Variants in PRKAR1B observed in about 807,000 individuals in gnomAD.
PRKAR1B encodes cAMP-dependent protein kinase type I-beta regulatory subunit.
A neutral mutation model predicts 46.5 loss-of-function variants in PRKAR1B; 22 were observed. The ratio of observed to expected loss-of-function variants is 0.47; its 90% CI spans 0.34 to 0.68. The LOEUF is 0.68. Ranked by LOEUF, PRKAR1B falls within the 30% of genes least tolerant of loss-of-function variation. PRKAR1B has a pLI of 0.01. For missense variants in PRKAR1B, 445 were observed against 535.6 expected, an observed-to-expected ratio of 0.83 and a Z score of 1.67; for synonymous variants, 259 against 217.7, an observed-to-expected ratio of 1.19 and a Z score of -1.67.
At chr7:599,777 C>T (rs759218206) in intron 6 of PRKAR1B, among the ~76,000 whole-genome samples, 2 of 149,932 alleles carry the variant, frequency 1.3e-5, no homozygotes, top group Non-Finnish European at 3.0e-5. Flanking sequence ...GGGGGAGGCA[C>T]ATGGGCAGGC....
chr7:615,881 G>C (rs1350858647), intron 4 of PRKAR1B, among the ~76,000 whole-genome samples: 1 of 147,144 alleles, frequency 6.8e-6, no homozygotes, highest in Non-Finnish European at 1.5e-5. Flanking sequence ...GGGAGGGAAA[G>C]GGAGAGAGAA....
At position 549,556 on chromosome 7, in the gene PRKAR1B, T is replaced by C. The variant is rs1784046552; in HGVS notation, c.*874A>G. ...TCATCACTGCGGGATCCAAGACACA[T>C]TTAAGGGACAAGTCGGTTGAGCGGG... On this transcript the variant is annotated 3_prime_UTR_variant, in exon 11 of 11. Transcript: ENST00000537384. 1 of 152,266 alleles carries C rather than the reference T, an allele frequency of 6.6e-6. No individual in the cohort carries two copies. The highest frequency in any genetic ancestry group is 6.5e-5 in the Admixed American group (1 of 15,278). The allele number at this position is 152,266 out of a possible 1,614,324, so 9.4% of individuals were successfully genotyped here.
chr7:550,792 ATTGT>A (rs1356103328), intron 10 of PRKAR1B, among the ~76,000 whole-genome samples, 190 bp from the exon 11 acceptor site: 2 of 152,212 alleles, frequency 1.3e-5, no homozygotes, highest in Non-Finnish European at 2.9e-5. Flanking sequence ...ATGCTAATGA[ATTGT>A]TTATTATCTG....
Position 665,242 on chromosome 7 carries a change from A to G in PRKAR1B, c.440+11987T>C, listed in dbSNP as rs377024750. Among the ~76,000 whole-genome samples, 3 of 152,284 alleles carry G rather than the reference A, an allele frequency of 2.0e-5. No individual in the cohort carries two copies. The East Asian group carries it at 5.8e-4, about 29-fold the overall frequency. On this transcript the variant is annotated intron_variant, in intron 4 of 10. Coordinates refer to ENST00000537384, the MANE Select transcript of PRKAR1B (RefSeq NM_001164760.2). ...GTTGTTGTCTTTTCCCGGCAGGTTA[A>G]TGAGCTGTGTGTGCATTCACGGTGG...
chr7:642,250 G>A (rs191116223), intron 4 of PRKAR1B, among the ~76,000 whole-genome samples: 10 of 152,262 alleles, frequency 6.6e-5, no homozygotes, highest in African/African-American at 2.4e-4. Context: ...GGTGGACGGG[G>A]GTGGAAGTGA....
chr7:682,149 C>T lies in PRKAR1B; in HGVS notation c.178-1423G>A, dbSNP rs145392813. Among the ~76,000 whole-genome samples the T allele has an allele frequency of 7.6e-4, 115 of 152,260 alleles. 1 individual carries two copies. In the East Asian group the frequency reaches 0.022, roughly 29 times the overall value. On this transcript the variant is annotated intron_variant, in intron 2 of 10. Transcript: ENST00000537384. The stretch of plus-strand genomic sequence containing the variant: ...AGAGCCCAGGAGCTCAGTCCTCGTC[C>T]TAAGGCCACACCGGGTAGCTCACAG...
At chr7:630,852 G>A (rs1189693772) in intron 4 of PRKAR1B, among the ~76,000 whole-genome samples, 1 of 152,176 alleles carries the variant, frequency 6.6e-6, no homozygotes, top group Admixed American at 6.5e-5. Flanking sequence ...GGTGGAGCAG[G>A]GCCCACACGT....
At chr7:590,024 G>T (rs1396101056) in intron 7 of PRKAR1B, among the ~76,000 whole-genome samples, 1 of 152,256 alleles carries the variant, frequency 6.6e-6, no homozygotes. Flanking sequence ...CTGCTGCAGG[G>T]AGAGGGGGCT....
intron 4 of PRKAR1B, among the ~76,000 whole-genome samples, chr7:640,587 A>AC (rs1784336477): frequency 6.6e-6 from 1 of 151,976 alleles, no homozygotes; most frequent in Non-Finnish European, 1.5e-5. Flanking sequence ...ACATGGTGAA[A>AC]CCCCATCTCT....
intron 2 of PRKAR1B, among the ~76,000 whole-genome samples, chr7:706,822 A>G (rs1780357021): frequency 6.6e-6 from 1 of 152,198 alleles, no homozygotes; most frequent in East Asian, 1.9e-4. Flanking sequence ...GCACTCCAAG[A>G]GCTGGGCCAT....
rs147480983 is a variant in PRKAR1B at position 680,703 on chromosome 7, C to T, written c.201G>A (p.Ala67=). 73 of 1,613,920 alleles carry T rather than the reference C, an allele frequency of 4.5e-5. No homozygotes were observed. Among genetic ancestry groups the T allele is most frequent in the African/African-American group, 1.9e-4 (14 of 75,018 alleles). The change falls in exon 3 of 11, where the codon GCG becomes GCA. Residue 67 remains alanine (A), a synonymous_variant. Transcript: ENST00000537384. The part of the protein sequence containing the change: ...LEKEENRQIL[A]RQKSNSQSDS... The stretch of plus-strand genomic sequence containing the variant: ...CCGACTGTGAGTTTGACTTTTGCCG[C>T]GCCAAAATCTGCCTGTTTTCTTCCT...
rs999162149 is a variant in PRKAR1B, at chr7:556,619, C to T, written c.892-5149G>A. ...AAGGGGTCGGTCCCCGAGGCGTCCG[C>T]GTTCATCCCTCCCGGAAGGGGCTGT... On this transcript the variant is annotated intron_variant, in intron 9 of 10. Transcript: ENST00000537384. 3.9e-5 allele frequency among the ~76,000 whole-genome samples: 6 copies of T among 152,202 alleles called. 1 individual carries two copies. The highest frequency in any genetic ancestry group is 3.3e-4 in the Admixed American group (5 of 15,286).
chr7:630,914 C>T (rs1457898113), intron 4 of PRKAR1B, among the ~76,000 whole-genome samples: 1 of 151,808 alleles, frequency 6.6e-6, no homozygotes, highest in Admixed American at 6.6e-5. Flanking sequence ...CCCTGACCAT[C>T]GCCTGGTTTC....
rs10272954 is a variant in PRKAR1B at position 637,811 on chromosome 7, G to A, written c.441-30359C>T. 7.9e-5 allele frequency among the ~76,000 whole-genome samples: 12 copies of A among 151,992 alleles called. No individual in the cohort carries two copies. In the East Asian group the frequency reaches 2.3e-3, roughly 29 times the overall value. ...TCGCACCACTGCACTCCAGCCTGGG[G>A]GACAAGAGAGAGACTCCATCTAAAA... On this transcript the variant is annotated intron_variant, in intron 4 of 10. Transcript: ENST00000537384.
At chr7:625,251 G>A (rs1181575966) in intron 4 of PRKAR1B, among the ~76,000 whole-genome samples, 1 of 152,110 alleles carries the variant, frequency 6.6e-6, no homozygotes, top group South Asian at 2.1e-4. Flanking sequence ...ATATGCAGGA[G>A]GTAGCAAAAG....
chr7:554,601 G>T (rs563341654), intron 9 of PRKAR1B, among the ~76,000 whole-genome samples: 2 of 151,638 alleles, frequency 1.3e-5, no homozygotes, highest in African/African-American at 2.4e-5. Flanking sequence ...GAAGACAGGG[G>T]AGGCCACGGA....
intron 7 of PRKAR1B, among the ~76,000 whole-genome samples, chr7:592,897 G>A (rs955040402): frequency 2.6e-5 from 4 of 152,034 alleles, no homozygotes; most frequent in African/African-American, 7.2e-5. Context: ...TTAGTCAGGC[G>A]CGGTAGCACA....
intron 2 of PRKAR1B, among the ~76,000 whole-genome samples, chr7:683,392 G>T (rs971096351): frequency 6.6e-6 from 1 of 152,142 alleles, no homozygotes; most frequent in Non-Finnish European, 1.5e-5. Context: ...TTTAAAGTCA[G>T]CCAGGTGCAC....
At chr7:612,316 G>C (rs1782565174) in intron 4 of PRKAR1B, among the ~76,000 whole-genome samples, 1 of 150,554 alleles carries the variant, frequency 6.6e-6, no homozygotes, top group South Asian at 2.1e-4. Context: ...GGATGAACAG[G>C]TGTGTGAGTA....
Sources: allele counts gnomAD v4.1 joint callset (sites outside exome capture counted in the v4.1 genomes callset), GRCh38; gene constraint gnomAD v4.1.1; transcripts MANE v1.5; gene names NCBI Gene and HGNC (gene_info 2026-07-23, HGNC 2026-07-21).